The following CACNA1C variants were observed in gnomAD, a reference collection of about 807,000 sequenced individuals.
The protein encoded by CACNA1C is voltage-dependent L-type calcium channel subunit alpha-1C.
Under a neutral mutation model 229.0 loss-of-function variants are expected in CACNA1C, and 30 were observed. The observed-to-expected ratio is 0.13, with a 90% CI of 0.10 to 0.18. The LOEUF is 0.18. Ranked by LOEUF, CACNA1C falls within the 10% of genes least tolerant of loss-of-function variation. The pLI is 1.00. For missense variants in CACNA1C, 1,658 were observed against 2,845.0 expected, an observed-to-expected ratio of 0.58 and a Z score of 9.49; for synonymous variants, 1,114 against 1,132.5, an observed-to-expected ratio of 0.98 and a Z score of 0.33.
chr12:2,599,116 A>G (rs768470443), intron 21 of CACNA1C, among the ~76,000 whole-genome samples: 60 of 152,174 alleles, frequency 3.9e-4, no homozygotes, highest in Admixed American at 7.2e-4. Flanking sequence ...GTGGATTTCA[A>G]TGGTGCTATT....
At chr12:2,025,271 G>A (rs144945283) in intron 1 of CACNA1C, among the ~76,000 whole-genome samples, 12 of 152,298 alleles carry the variant, frequency 7.9e-5, no homozygotes, top group Middle Eastern at 3.4e-3. Flanking sequence ...ATGGTTCTGC[G>A]TTCCACAGAA....
intron 34 of CACNA1C, among the ~76,000 whole-genome samples, chr12:2,656,289 A>G (rs2095417253): frequency 6.6e-6 from 1 of 152,240 alleles, no homozygotes; most frequent in African/African-American, 2.4e-5. Flanking sequence ...ATTTATTTAC[A>G]CTAACAATGA....
chr12:2,245,329 T>G (rs2072637139), intron 3 of CACNA1C, among the ~76,000 whole-genome samples: 1 of 152,194 alleles, frequency 6.6e-6, no homozygotes, highest in Non-Finnish European at 1.5e-5. Context: ...CTTCAGCACA[T>G]GCATGCTTGC....
Position 2,677,672 on chromosome 12 carries a change from C to A in CACNA1C, c.4957-61C>A. 6.4e-7 allele frequency: 1 copy of A among 1,565,342 alleles called. No individual in the cohort carries two copies. On this transcript the variant is annotated intron_variant, in intron 40 of 46. Coordinates refer to ENST00000399655, the MANE Select transcript of CACNA1C (RefSeq NM_000719.7). The surrounding 1 kb of genome is among the most constrained non-coding windows in gnomAD (Gnocchi z 7.4). ...GACAGGTCTTGGCCCGAGGCTGTGG[C>A]TGGCTGGGGAGCTTGGAGGAAAGGG...
chr12:2,074,317 T>C (rs1025264953), intron 1 of CACNA1C, among the ~76,000 whole-genome samples: 1 of 152,230 alleles, frequency 6.6e-6, no homozygotes, highest in East Asian at 1.9e-4. Context: ...CAAATAATAC[T>C]TTATAGTTTT....
chr12:2,177,280 G>A (rs560901726), intron 3 of CACNA1C, among the ~76,000 whole-genome samples: 71 of 152,210 alleles, frequency 4.7e-4, no homozygotes, highest in African/African-American at 1.4e-3. Context: ...CCCGTTGTTC[G>A]TCTTCTCCTC....
At chr12:2,249,786 T>G (rs1042818313) in intron 3 of CACNA1C, among the ~76,000 whole-genome samples, 1 of 151,196 alleles carries the variant, frequency 6.6e-6, no homozygotes, top group Non-Finnish European at 1.5e-5. Flanking sequence ...TTTTTTTTTT[T>G]TTGAGATGGA....
intron 44 of CACNA1C, 30 bp from the exon 45 acceptor site, chr12:2,686,136 C>T: frequency 6.4e-7 from 1 of 1,571,716 alleles, no homozygotes; most frequent in Non-Finnish European, 8.8e-7. Context: ...TTTTCCTGCC[C>T]TGATGGTGGC....
chr12:2,035,512 A>G (rs2048979439), intron 1 of CACNA1C, among the ~76,000 whole-genome samples: 1 of 152,128 alleles, frequency 6.6e-6, no homozygotes, highest in Non-Finnish European at 1.5e-5. Flanking sequence ...TTCTCCCCAG[A>G]ATCTCCTGTG....
At chr12:2,157,248 G>A (rs1041743429) in intron 3 of CACNA1C, among the ~76,000 whole-genome samples, 3 of 152,136 alleles carry the variant, frequency 2.0e-5, no homozygotes, top group African/African-American at 7.2e-5. Context: ...TTCAAAACAT[G>A]TTGTACACAG....
chr12:2,048,881 C>T (rs1364189817), upstream of CACNA1C, among the ~76,000 whole-genome samples: 1 of 152,168 alleles, frequency 6.6e-6, no homozygotes, highest in Non-Finnish European at 1.5e-5. Context: ...GAAACATTTA[C>T]GTGTAATCCC....
intron 18 of CACNA1C, among the ~76,000 whole-genome samples, chr12:2,590,957 G>A (rs146280892): frequency 6.0e-4 from 91 of 152,158 alleles, no homozygotes; most frequent in African/African-American, 1.7e-3. Context: ...TTACTTATTC[G>A]ACTTTAAGTA....
intron 3 of CACNA1C, among the ~76,000 whole-genome samples, chr12:2,206,599 C>T (rs2154331510): frequency 6.6e-6 from 1 of 152,352 alleles, no homozygotes; most frequent in Middle Eastern, 3.4e-3. Flanking sequence ...ACCTCCCTAC[C>T]TACTCACTGT....
chr12:2,626,223 G>A (rs375239804), intron 29 of CACNA1C, among the ~76,000 whole-genome samples: 13 of 152,338 alleles, frequency 8.5e-5, no homozygotes, highest in East Asian at 1.9e-4. Context: ...CCTGCCTGGC[G>A]TACCTGTGCT....
chr12:2,106,863 A>G (rs377286351), intron 1 of CACNA1C, among the ~76,000 whole-genome samples: 29 of 36,192 alleles, frequency 8.0e-4, no homozygotes, highest in Middle Eastern at 0.024. Flanking sequence ...CCCACCCTGG[A>G]GAGGGTTTCC....
Position 2,177,172 on chromosome 12 carries a change from A to C in CACNA1C, c.477+56742A>C, listed in dbSNP as rs375133774. Among the ~76,000 whole-genome samples the C allele has an allele frequency of 6.5e-4, 99 of 152,196 alleles. 1 individual carries two copies. The South Asian group carries it at 0.02, about 31-fold the overall frequency. On this transcript the variant is annotated intron_variant, in intron 3 of 46. Coordinates refer to ENST00000399655, the MANE Select transcript of CACNA1C (RefSeq NM_000719.7). Reference sequence around the variant, plus strand: ...TGGATGAGCATCTCTCCTTGCCTGTAACTCTCTCCTATCAAAGGCTGCTCG... The same window carrying C: ...TGGATGAGCATCTCTCCTTGCCTGTCACTCTCTCCTATCAAAGGCTGCTCG...
At chr12:2,648,712 C>T (rs1297726786) in intron 31 of CACNA1C, among the ~76,000 whole-genome samples, 1 of 152,120 alleles carries the variant, frequency 6.6e-6, no homozygotes, top group Non-Finnish European at 1.5e-5. Flanking sequence ...GGTGTTTTAC[C>T]CCTGAGCTTT....
intron 3 of CACNA1C, among the ~76,000 whole-genome samples, chr12:2,248,730 A>G (rs187075949): frequency 6.6e-6 from 1 of 152,252 alleles, no homozygotes; most frequent in Non-Finnish European, 1.5e-5. Flanking sequence ...ACAGGAGCGG[A>G]TGTTGCCTCC....
Position 2,119,864 on chromosome 12 carries a change from A to G in CACNA1C, c.372-461A>G, listed in dbSNP as rs546860376. Among the ~76,000 whole-genome samples the G allele has an allele frequency of 2.3e-4, 35 of 152,378 alleles. No homozygotes were observed. In the South Asian group the frequency reaches 7.2e-3, roughly 32 times the overall value. On this transcript the variant is annotated intron_variant, in intron 2 of 46. Transcript: ENST00000399655. ...TTAAAAATAAAATCTCCAAATTTCA[A>G]TGAAACCCAGAGAAAGTCTCTCTGT... is the stretch of plus-strand genomic sequence containing the variant.
Sources: allele counts gnomAD v4.1 joint callset (sites outside exome capture counted in the v4.1 genomes callset), GRCh38; gene constraint gnomAD v4.1.1; non-coding constraint Gnocchi (gnomAD v3.1); transcripts MANE v1.5; gene names NCBI Gene and HGNC (gene_info 2026-07-23, HGNC 2026-07-21).